CAMK1D: variants seen among roughly 807,000 people sequenced by gnomAD.
CAMK1D encodes calcium/calmodulin dependent protein kinase ID, also known as calcium/calmodulin-dependent protein kinase type 1D.
CAMK1D carries 9 observed loss-of-function variants against 47.7 expected under a neutral mutation model. That is an observed-to-expected ratio of 0.19 (90% CI 0.11 to 0.33). CAMK1D has a LOEUF of 0.33. Among genes scored for constraint, CAMK1D ranks in the 10% least tolerant of loss-of-function variants. CAMK1D has a pLI of 1.00. For synonymous variants in CAMK1D, 184 were observed against 184.9 expected, an observed-to-expected ratio of 0.99 and a Z score of 0.04; for missense variants, 291 against 488.7, an observed-to-expected ratio of 0.60 and a Z score of 3.81.
intron 1 of CAMK1D, among the ~76,000 whole-genome samples, chr10:12,473,611 T>C (rs1007211619): frequency 6.6e-6 from 1 of 152,044 alleles, no homozygotes; most frequent in African/African-American, 2.4e-5. Context: ...GAGGCTGAGA[T>C]TTGTTGAGGT....
intron 3 of CAMK1D, among the ~76,000 whole-genome samples, chr10:12,720,141 G>C (rs1378940590): frequency 6.6e-6 from 1 of 152,228 alleles, no homozygotes; most frequent in African/African-American, 2.4e-5. Context: ...CCTGGAAGGA[G>C]GGATGCCTTT....
At chr10:12,601,173 T>C (rs1011899822) in intron 2 of CAMK1D, among the ~76,000 whole-genome samples, 9 of 2,880 alleles carry the variant, frequency 3.1e-3, no homozygotes, top group Admixed American at 0.01. Context: ...AAAATGATAG[T>C]TTTTTTTTTT....
At chr10:12,766,767 T>A (rs995905442) in intron 4 of CAMK1D, among the ~76,000 whole-genome samples, 6 of 151,626 alleles carry the variant, frequency 4.0e-5, no homozygotes, top group African/African-American at 1.5e-4. Context: ...GTGGGGTGGG[T>A]GAAGAACTTG....
chr10:12,551,749 A>G (rs1028986459), intron 1 of CAMK1D, among the ~76,000 whole-genome samples: 3 of 152,184 alleles, frequency 2.0e-5, no homozygotes, highest in Admixed American at 2.0e-4. Context: ...AAAAAATGAA[A>G]TAAAGTGCAC....
chr10:12,642,814 G>A (rs1269996012), intron 2 of CAMK1D, among the ~76,000 whole-genome samples: 1 of 151,926 alleles, frequency 6.6e-6, no homozygotes, highest in Non-Finnish European at 1.5e-5. Flanking sequence ...AGCGAGTGTT[G>A]GGAAATATTC....
At chr10:12,704,472 C>G (rs928723938) in intron 3 of CAMK1D, among the ~76,000 whole-genome samples, 1 of 151,766 alleles carries the variant, frequency 6.6e-6, no homozygotes, top group Non-Finnish European at 1.5e-5. Flanking sequence ...ACCCTGTTTT[C>G]AAGAGTCTCA....
At chr10:12,487,078 A>G (rs1473179921) in intron 1 of CAMK1D, among the ~76,000 whole-genome samples, 1 of 152,196 alleles carries the variant, frequency 6.6e-6, no homozygotes, top group Non-Finnish European at 1.5e-5. Flanking sequence ...AGGTAAACTC[A>G]TGTCATGGGG....
chr10:12,667,043 A>G, intron 3 of CAMK1D: 1 of 447,622 alleles, frequency 2.2e-6, no homozygotes, highest in Non-Finnish European at 4.0e-6. Flanking sequence ...GATAACCTAG[A>G]GCTCAGCAGT....
At chr10:12,498,509 TC>T (rs1158544583) in intron 1 of CAMK1D, among the ~76,000 whole-genome samples, 1 of 152,172 alleles carries the variant, frequency 6.6e-6, no homozygotes, top group African/African-American at 2.4e-5. Flanking sequence ...GAATCCCATA[TC>T]CACTGATGTG....
intron 1 of CAMK1D, among the ~76,000 whole-genome samples, chr10:12,443,181 G>A (rs910767085): frequency 2.0e-5 from 3 of 152,098 alleles, no homozygotes; most frequent in Non-Finnish European, 2.9e-5. Flanking sequence ...CTGACTCGAG[G>A]AGGAAAGACG....
At chr10:12,623,400 C>T (rs186714971) in intron 2 of CAMK1D, among the ~76,000 whole-genome samples, 3 of 2,840 alleles carry the variant, frequency 1.1e-3, no homozygotes, top group Non-Finnish European at 2.6e-3. Context: ...TCCCTCCCTC[C>T]CTTCCTCCCT....
intron 2 of CAMK1D, among the ~76,000 whole-genome samples, chr10:12,596,994 A>C (rs1313178345): frequency 6.6e-6 from 1 of 152,118 alleles, no homozygotes; most frequent in Non-Finnish European, 1.5e-5. Context: ...TGCTAAGATG[A>C]GGCTATTATC....
At chr10:12,578,385 A>T (rs1348917618) in intron 2 of CAMK1D, among the ~76,000 whole-genome samples, 1 of 152,084 alleles carries the variant, frequency 6.6e-6, no homozygotes, top group Non-Finnish European at 1.5e-5. Context: ...AGCCTGACCA[A>T]CATGGAGAAA....
At chr10:12,643,248 G>A (rs1839716474) in intron 2 of CAMK1D, among the ~76,000 whole-genome samples, 1 of 152,076 alleles carries the variant, frequency 6.6e-6, no homozygotes, top group Non-Finnish European at 1.5e-5. Context: ...TGATTCACCC[G>A]CCTCAGCCTC....
At chr10:12,425,481 C>T (rs1338236530) in intron 1 of CAMK1D, among the ~76,000 whole-genome samples, 1 of 152,038 alleles carries the variant, frequency 6.6e-6, no homozygotes, top group Non-Finnish European at 1.5e-5. Flanking sequence ...GGGGTTTCAC[C>T]ACGTTGGCCA....
At chr10:12,378,419 T>A (rs1030929573) in intron 1 of CAMK1D, among the ~76,000 whole-genome samples, 2 of 91,890 alleles carry the variant, frequency 2.2e-5, no homozygotes, top group Non-Finnish European at 4.2e-5. Flanking sequence ...CAAACTTAAA[T>A]TTTTTTTTTT....
intron 8 of CAMK1D, among the ~76,000 whole-genome samples, chr10:12,824,208 A>G (rs1308414659): frequency 2.6e-5 from 4 of 152,008 alleles, no homozygotes; most frequent in Non-Finnish European, 2.9e-5. Context: ...GGAGTAGTCA[A>G]CCAGGAGGGC....
intron 1 of CAMK1D, among the ~76,000 whole-genome samples, chr10:12,445,965 T>C (rs1443318817): frequency 3.9e-5 from 6 of 152,200 alleles, no homozygotes; most frequent in Admixed American, 2.0e-4. Context: ...AATGAAAAGT[T>C]CCCAGCGAGG....
At chr10:12,434,893 A>G (rs1422281416) in intron 1 of CAMK1D, among the ~76,000 whole-genome samples, 2 of 152,126 alleles carry the variant, frequency 1.3e-5, no homozygotes, top group African/African-American at 2.4e-5. Context: ...CAGGAGAGTT[A>G]TCTTTGAGAA....
Sources: allele counts gnomAD v4.1 joint callset (sites outside exome capture counted in the v4.1 genomes callset), GRCh38; gene constraint gnomAD v4.1.1; transcripts MANE v1.5; gene names NCBI Gene and HGNC (gene_info 2026-07-23, HGNC 2026-07-21).